The following AFG1L variants were observed in gnomAD, a reference collection of about 807,000 sequenced individuals.
The protein encoded by AFG1L is AFG1 like ATPase.
In AFG1L, 53 loss-of-function variants were observed where a neutral mutation model predicts 62.2. The ratio of observed to expected loss-of-function variants is 0.85; its 90% CI spans 0.68 to 1.07. AFG1L has a LOEUF of 1.07. Ranked by LOEUF, AFG1L falls within the 50% of genes least tolerant of loss-of-function variation. The pLI is 0.00. For missense variants in AFG1L, 555 were observed against 590.5 expected, an observed-to-expected ratio of 0.94 and a Z score of 0.62; for synonymous variants, 228 against 210.3, an observed-to-expected ratio of 1.08 and a Z score of -0.73.
intron 5 of AFG1L, among the ~76,000 whole-genome samples, chr6:108,358,829 C>T (rs1279927116): frequency 2.0e-5 from 3 of 152,222 alleles, no homozygotes; most frequent in Admixed American, 6.5e-5. Context: ...CCACCAAGCC[C>T]GGCCTGATTG....
intron 1 of AFG1L, among the ~76,000 whole-genome samples, chr6:108,315,643 T>C (rs923507158): frequency 6.6e-6 from 1 of 152,118 alleles, no homozygotes; most frequent in African/African-American, 2.4e-5. Context: ...TGCAGTGTTA[T>C]AATCATAGCT....
At chr6:108,447,649 G>A (rs1196492981) in intron 8 of AFG1L, among the ~76,000 whole-genome samples, 2 of 151,958 alleles carry the variant, frequency 1.3e-5, no homozygotes, top group Non-Finnish European at 1.5e-5. Context: ...TGCCATTTCC[G>A]TTCCCCCCAA....
intron 1 of AFG1L, among the ~76,000 whole-genome samples, chr6:108,299,444 A>T (rs1194426910): frequency 6.6e-6 from 1 of 152,188 alleles, no homozygotes; most frequent in East Asian, 1.9e-4. Context: ...ATCAAAAGAA[A>T]CAAAACAAAA....
intron 6 of AFG1L, among the ~76,000 whole-genome samples, chr6:108,399,631 C>T (rs988280901): frequency 6.9e-6 from 1 of 145,070 alleles, no homozygotes; most frequent in Non-Finnish European, 1.5e-5. Flanking sequence ...ATTTTGTGTC[C>T]TGCAACTTTA....
At chr6:108,521,736 A>G (rs1462825009) in intron 12 of AFG1L, 1 of 152,398 alleles carries the variant, frequency 6.6e-6, no homozygotes, top group Non-Finnish European at 1.5e-5. Flanking sequence ...GTCTGGGGTT[A>G]CCAGCCTCAC....
At position 108,295,161 on chromosome 6, in the gene AFG1L, G is replaced by A. The variant is rs746916999; in HGVS notation, c.82G>A (p.Ala28Thr). ...GAGAGGGAGATGTGTTGGGTGCGGG[G>A]CCTGGGCCGCCGCTCTCGCTCCTCT... ...PLRGRCVGCG[A>T]WAAALAPLAT... The change falls in exon 1 of 13, where the codon GCC (alanine) becomes ACC (threonine). Residue 28 changes from alanine (A) to threonine (T), a missense_variant. Coordinates refer to ENST00000368977, the MANE Select transcript of AFG1L (RefSeq NM_145315.5). 6.2e-7 allele frequency: 1 copy of A among 1,609,114 alleles called. No homozygotes were observed. The highest frequency in any genetic ancestry group is 8.5e-7 in the Non-Finnish European group (1 of 1,179,948).
chr6:108,517,174 A>C (rs1774929490), intron 11 of AFG1L, among the ~76,000 whole-genome samples: 1 of 152,224 alleles, frequency 6.6e-6, no homozygotes, highest in Admixed American at 6.5e-5. Flanking sequence ...TATGGAACCA[A>C]AAAAGAGCCC....
At chr6:108,353,787 A>G (rs1779167994) in intron 3 of AFG1L, among the ~76,000 whole-genome samples, 1 of 152,316 alleles carries the variant, frequency 6.6e-6, no homozygotes, top group African/African-American at 2.4e-5. Flanking sequence ...ACTGCTAATC[A>G]CTATATCAAG....
At chr6:108,403,133 A>G (rs929292159) in intron 7 of AFG1L, among the ~76,000 whole-genome samples, 12 of 152,164 alleles carry the variant, frequency 7.9e-5, no homozygotes, top group Non-Finnish European at 1.0e-4. Context: ...TTTCTGGCAC[A>G]TTATTTATAA....
intron 8 of AFG1L, among the ~76,000 whole-genome samples, chr6:108,450,032 T>C (rs142986710): frequency 0.013 from 1,935 of 152,344 alleles, 22 homozygotes; most frequent in Non-Finnish European, 0.019. Flanking sequence ...TCCAAGTCTT[T>C]ACTATTGTGA....
intron 7 of AFG1L, among the ~76,000 whole-genome samples, chr6:108,415,270 G>A (rs568466049): frequency 3.9e-5 from 6 of 152,274 alleles, no homozygotes; most frequent in Admixed American, 2.0e-4. Flanking sequence ...CTAAATAAAA[G>A]AGGACACAAA....
intron 7 of AFG1L, among the ~76,000 whole-genome samples, chr6:108,420,671 A>C (rs1292619649): frequency 6.6e-6 from 1 of 151,788 alleles, no homozygotes; most frequent in Admixed American, 6.6e-5. Flanking sequence ...TAGAAAAGTA[A>C]TTTTAGGTGT....
intron 6 of AFG1L, among the ~76,000 whole-genome samples, chr6:108,375,813 G>A (rs1361947641): frequency 6.6e-6 from 1 of 152,026 alleles, no homozygotes; most frequent in Non-Finnish European, 1.5e-5. Flanking sequence ...TGGTACTAGG[G>A]TGATACTGGC....
At chr6:108,340,638 T>G (rs1304196320) in intron 2 of AFG1L, among the ~76,000 whole-genome samples, 1 of 152,192 alleles carries the variant, frequency 6.6e-6, no homozygotes, top group Non-Finnish European at 1.5e-5. Flanking sequence ...GTGCTGGGAT[T>G]ACAGGTGTGA....
At chr6:108,306,288 GCTTCTGC>G (rs1263764135) in intron 1 of AFG1L, among the ~76,000 whole-genome samples, 3 of 152,188 alleles carry the variant, frequency 2.0e-5, no homozygotes, top group African/African-American at 7.2e-5. Context: ...TAGACATGTA[GCTTCTGC>G]CTTAACTGCT....
chr6:108,446,102 A>ACACACACC (rs1562166716), intron 7 of AFG1L, among the ~76,000 whole-genome samples: 1 of 126,352 alleles, frequency 7.9e-6, no homozygotes, highest in African/African-American at 2.9e-5. Flanking sequence ...ACACACACAC[A>ACACACACC]CCCCTACATA....
At chr6:108,477,424 G>A in intron 10 of AFG1L, 132 bp downstream of exon 10, 1 of 492,888 alleles carries the variant, frequency 2.0e-6, no homozygotes, top group Non-Finnish European at 3.4e-6. Context: ...TCTCATTAAG[G>A]GAAATACTCA....
intron 1 of AFG1L, among the ~76,000 whole-genome samples, chr6:108,320,501 G>A (rs1485501396): frequency 6.6e-6 from 1 of 152,158 alleles, no homozygotes; most frequent in African/African-American, 2.4e-5. Context: ...AGGTCTGTGT[G>A]CCAGTGGATC....
intron 11 of AFG1L, among the ~76,000 whole-genome samples, chr6:108,518,021 T>A (rs192206162): frequency 1.3e-5 from 2 of 152,284 alleles, no homozygotes. Flanking sequence ...CTAGAGAGGA[T>A]GTGGAGAAAT....
Sources: gnomAD v4.1 joint callset for allele counts (sites outside exome capture counted in the v4.1 genomes callset) on GRCh38, gnomAD v4.1.1 for gene constraint, MANE v1.5 for transcripts, NCBI Gene and HGNC (gene_info 2026-07-23, HGNC 2026-07-21) for gene names.